SCUBE1: variants seen among roughly 807,000 people sequenced by gnomAD.
SCUBE1 encodes the protein signal peptide, CUB and EGF-like domain-containing protein 1.
SCUBE1 carries 59 observed loss-of-function variants against 124.4 expected under a neutral mutation model. The observed-to-expected ratio is 0.47, with a 90% CI of 0.38 to 0.59. The LOEUF is 0.59. Among genes scored for constraint, SCUBE1 ranks in the 20% least tolerant of loss-of-function variants. The pLI, the probability that SCUBE1 is intolerant of heterozygous loss-of-function variation, is 0.00. For synonymous variants in SCUBE1, 545 were observed against 550.9 expected (o/e 0.99, Z 0.15); for missense variants, 1,150 against 1,371.2 (o/e 0.84, Z 2.55).
rs1227519703 is a variant in SCUBE1 at position 43,224,478 on chromosome 22, G to A, written c.1208-1262C>T. ...TGACTTGTCTTGTGTTTGATGGATA[G>A]ATAACAGGGTGCTCCTTGGGGACCA... is the stretch of plus-strand genomic sequence containing the variant. On this transcript the variant is annotated intron_variant, in intron 10 of 21. Coordinates refer to ENST00000360835, the MANE Select transcript of SCUBE1 (RefSeq NM_173050.5). Among the ~76,000 whole-genome samples the A allele has an allele frequency of 4.6e-5, 7 of 152,226 alleles. No individual in the cohort carries two copies. The East Asian group carries it at 1.3e-3, about 29-fold the overall frequency.
At chr22:43,221,414 T>C in intron 12 of SCUBE1, 125 bp from the exon 13 acceptor site, 2 of 660,058 alleles carry the variant, frequency 3.0e-6, no homozygotes, top group Non-Finnish European at 5.5e-6. Context: ...TGAGTCCCTG[T>C]GCCCCGACAG....
chr22:43,279,413 T>C (rs1370563126), intron 4 of SCUBE1, among the ~76,000 whole-genome samples: 2 of 152,194 alleles, frequency 1.3e-5, no homozygotes, highest in Non-Finnish European at 2.9e-5. Context: ...GAAACCTTTA[T>C]TTTTAAGCCC....
intron 21 of SCUBE1, 58 bp from the exon 22 acceptor site, chr22:43,204,207 G>A: frequency 6.5e-7 from 1 of 1,537,826 alleles, no homozygotes; most frequent in South Asian, 1.1e-5. Flanking sequence ...GGTCTGTGGG[G>A]TGTTGCCAGG....
intron 3 of SCUBE1, among the ~76,000 whole-genome samples, chr22:43,309,640 T>C (rs1926101452): frequency 6.6e-6 from 1 of 152,138 alleles, no homozygotes. Flanking sequence ...TCCATTTCGA[T>C]GGCTGCTTAT....
At chr22:43,240,592 T>G (rs1039423016) in intron 6 of SCUBE1, among the ~76,000 whole-genome samples, 4 of 152,128 alleles carry the variant, frequency 2.6e-5, no homozygotes, top group Non-Finnish European at 5.9e-5. Context: ...ACGGAGCCCC[T>G]CAGGCAGCCA....
intron 5 of SCUBE1, among the ~76,000 whole-genome samples, chr22:43,259,540 A>G (rs972033457): frequency 1.3e-5 from 2 of 152,138 alleles, no homozygotes; most frequent in Non-Finnish European, 2.9e-5. Flanking sequence ...AAGGATCTCA[A>G]ATGTTTCAGA....
At chr22:43,254,364 G>C (rs7364295) in intron 6 of SCUBE1, among the ~76,000 whole-genome samples, 280 of 152,264 alleles carry the variant, frequency 1.8e-3, no homozygotes, top group African/African-American at 6.5e-3. Flanking sequence ...CAGCACACAA[G>C]GCCATATCCC....
chr22:43,286,353 C>T (rs1341409121), intron 4 of SCUBE1, among the ~76,000 whole-genome samples: 1 of 152,250 alleles, frequency 6.6e-6, no homozygotes, highest in Admixed American at 6.5e-5. Context: ...CTGTCTCCTA[C>T]AATGATGGAG....
At chr22:43,294,761 AACTG>A (rs1220478180) in intron 3 of SCUBE1, among the ~76,000 whole-genome samples, 1 of 152,134 alleles carries the variant, frequency 6.6e-6, no homozygotes, top group Non-Finnish European at 1.5e-5. Context: ...TGCCCCGTGG[AACTG>A]ACTGTCAGTG....
Position 43,305,203 on chromosome 22 carries a change from C to T in SCUBE1, c.350-14023G>A, listed in dbSNP as rs372201615. On this transcript the variant is annotated intron_variant, in intron 3 of 21. Coordinates refer to ENST00000360835, the MANE Select transcript of SCUBE1 (RefSeq NM_173050.5). ...CTGCCACCACACACAGTTCTGTCCA[C>T]GCCCAGGTGACACTGGACACGGACA... Among the ~76,000 whole-genome samples, 91 of 152,332 alleles carry T rather than the reference C, an allele frequency of 6.0e-4. No individual in the cohort carries two copies. In the East Asian group the frequency reaches 0.015, roughly 25 times the overall value.
chr22:43,250,803 C>G (rs959386394), intron 6 of SCUBE1, among the ~76,000 whole-genome samples: 2 of 152,162 alleles, frequency 1.3e-5, no homozygotes, highest in African/African-American at 4.8e-5. Context: ...GTGGTGGGAC[C>G]CCTGGAATGG....
At chr22:43,281,519 C>T (rs56144120) in intron 4 of SCUBE1, among the ~76,000 whole-genome samples, 187 of 76,284 alleles carry the variant, frequency 2.5e-3, no homozygotes, top group Middle Eastern at 0.018. Context: ...TCCTCAGCCA[C>T]CCTCCTGTCA....
chr22:43,339,615 C>G (rs531805991), intron 1 of SCUBE1, among the ~76,000 whole-genome samples: 20 of 141,482 alleles, frequency 1.4e-4, no homozygotes, highest in African/African-American at 5.4e-4. Flanking sequence ...CTCACTCTAT[C>G]CCCTACTCTC....
chr22:43,212,302 GCTC>G (rs1921597399), intron 17 of SCUBE1, 120 bp downstream of exon 17: 1 of 1,114,588 alleles, frequency 9.0e-7, no homozygotes, highest in African/African-American at 1.6e-5. Context: ...ACAGCTCCAG[GCTC>G]CTCCTCTGAG....
intron 3 of SCUBE1, among the ~76,000 whole-genome samples, chr22:43,314,600 A>G (rs1926280861): frequency 6.6e-6 from 1 of 152,124 alleles, no homozygotes; most frequent in African/African-American, 2.4e-5. Flanking sequence ...ACTCCCCCAA[A>G]AGGGTCCTAA....
At position 43,198,205 on chromosome 22, in the gene SCUBE1, G is replaced by T. The variant is rs1270946311; in HGVS notation, c.*5792C>A. ...GCCTGGCACCCAGTGGGCACTGAGT[G>T]AGCGTCAGCTTCCCCACCTTTCCCT... On this transcript the variant is annotated 3_prime_UTR_variant, in exon 22 of 22. Coordinates refer to ENST00000360835, the MANE Select transcript of SCUBE1 (RefSeq NM_173050.5). 3.9e-6 allele frequency: 1 copy of T among 258,508 alleles called. No individual in the cohort carries two copies. Among genetic ancestry groups the T allele is most frequent in the East Asian group, 9.6e-5 (1 of 10,446 alleles). 16.0% of individuals were successfully genotyped at this position (258,508 alleles called of 1,614,324 possible).
rs117487763 is a variant in SCUBE1, at chr22:43,227,586, T to A, written c.1085-90A>T. On this transcript the variant is annotated intron_variant, in intron 9 of 21. Coordinates refer to ENST00000360835, the MANE Select transcript of SCUBE1 (RefSeq NM_173050.5). ...ACCACCCAGGGCAAGAGGGCAAGAATCTCCTGACCCCACCGAGTCGGACAG... is the reference window on the plus strand; with the variant it reads ...ACCACCCAGGGCAAGAGGGCAAGAAACTCCTGACCCCACCGAGTCGGACAG... The A allele has an allele frequency of 2.5e-3, 3,779 of 1,519,078 alleles. 137 individuals are homozygous for A. In the East Asian group the frequency reaches 0.074, roughly 30 times the overall value. The allele number at this position is 1,519,078 out of a possible 1,614,324, so 94.1% of individuals were successfully genotyped here.
intron 3 of SCUBE1, among the ~76,000 whole-genome samples, chr22:43,292,556 A>AACACACACACAC (rs3985926): frequency 0.038 from 5,346 of 139,574 alleles, 222 homozygotes; most frequent in East Asian, 0.11. Flanking sequence ...CCCGGTCCCT[A>AACACACACACAC]ACACACACAC....
At position 43,281,455 on chromosome 22, in the gene SCUBE1, T is replaced by TCC. The variant is rs1200338302; in HGVS notation, c.484+9589_484+9590dup. Among the ~76,000 whole-genome samples the TCC allele has an allele frequency of 1.5e-4, 8 of 53,638 alleles. 1 individual carries two copies. The highest frequency in any genetic ancestry group is 1.3e-3 in the African/African-American group (7 of 5,388). 35.2% of individuals were successfully genotyped at this position (53,638 alleles called of 152,430 possible). On this transcript the variant is annotated intron_variant, in intron 4 of 21. Transcript: ENST00000360835. ...CTCCCTTGGCCACCCTCCTGTCATC[T>TCC]CCCTCAGCCACCCTCCTGTCACCTC...
Sources: allele counts gnomAD v4.1 joint callset (sites outside exome capture counted in the v4.1 genomes callset), GRCh38; gene constraint gnomAD v4.1.1; transcripts MANE v1.5; gene names NCBI Gene and HGNC (gene_info 2026-07-23, HGNC 2026-07-21).